KIRREL3: variants seen among roughly 807,000 people sequenced by gnomAD.
KIRREL3 encodes the protein kirre like nephrin family adhesion molecule 3.
KIRREL3 carries 36 observed loss-of-function variants against 89.7 expected under a neutral mutation model. That is an observed-to-expected ratio of 0.40 (90% CI 0.31 to 0.53). The LOEUF is 0.53. Ranked by LOEUF, KIRREL3 falls within the 20% of genes least tolerant of loss-of-function variation. KIRREL3 has a pLI of 0.49. For missense variants in KIRREL3, 864 were observed against 1,056.6 expected, an observed-to-expected ratio of 0.82 and a Z score of 2.53; for synonymous variants, 445 against 441.4, an observed-to-expected ratio of 1.01 and a Z score of -0.10.
chr11:126,862,557 C>T (rs931282577), intron 1 of KIRREL3, among the ~76,000 whole-genome samples: 1 of 152,200 alleles, frequency 6.6e-6, no homozygotes, highest in Non-Finnish European at 1.5e-5. Context: ...AAAGGGGACT[C>T]TAGCCCCTGT....
At position 126,491,323 on chromosome 11, in the gene KIRREL3, G is replaced by A. The variant is rs566844448; in HGVS notation, c.434-17857C>T. 4.6e-5 allele frequency among the ~76,000 whole-genome samples: 7 copies of A among 152,346 alleles called. No homozygotes were observed. The highest frequency in any genetic ancestry group is 7.3e-5 in the Non-Finnish European group (5 of 68,038). ...ATGTGAGCCCAAGGAGGGCGGGCGC[G>A]TGCTGGCTCTGAGCGGGTGCTTTAT... On this transcript the variant is annotated intron_variant, in intron 4 of 16. Transcript: ENST00000525144. This position sits in a 1 kb window ranked among gnomAD's most constrained non-coding sequence, Gnocchi z 5.5.
Position 126,557,252 on chromosome 11 carries a change from C to T in KIRREL3, c.133+5583G>A, listed in dbSNP as rs150897797. Among the ~76,000 whole-genome samples, 127 of 152,296 alleles carry T rather than the reference C, an allele frequency of 8.3e-4. No individual in the cohort carries two copies. Among genetic ancestry groups the T allele is most frequent in the African/African-American group, 2.7e-3 (112 of 41,544 alleles). On this transcript the variant is annotated intron_variant, in intron 2 of 16. Coordinates refer to ENST00000525144, the MANE Select transcript of KIRREL3 (RefSeq NM_032531.4). This position sits in a 1 kb window ranked among gnomAD's most constrained non-coding sequence, Gnocchi z 5.6. The stretch of plus-strand genomic sequence containing the variant: ...GCCACCCAGCATATAGCTGATATGG[C>T]CTGAGTTCACCCTTAATGACAGATG...
intron 1 of KIRREL3, among the ~76,000 whole-genome samples, chr11:126,657,486 A>G (rs1945202958): frequency 6.6e-6 from 1 of 152,196 alleles, no homozygotes; most frequent in Non-Finnish European, 1.5e-5. Flanking sequence ...CTGAGAGGTG[A>G]GTGCTGGAGG....
rs1949070141 is a variant in KIRREL3 at position 126,744,238 on chromosome 11, A to AG, written c.56-181327_56-181326insC. On this transcript the variant is annotated intron_variant, in intron 1 of 16. Transcript: ENST00000525144. The surrounding 1 kb of genome is among the most constrained non-coding windows in gnomAD (Gnocchi z 4.7). Reference sequence around the variant, plus strand: ...ATTGGTTTGTCTTCTGAAACACACAACTTTTTTTTTTTTTATGGGTGGAAA... The same window carrying AG: ...ATTGGTTTGTCTTCTGAAACACACAAGCTTTTTTTTTTTTTATGGGTGGAAA... Among the ~76,000 whole-genome samples the AG allele has an allele frequency of 9.7e-6, 1 of 103,408 alleles. No individual in the cohort carries two copies. Among genetic ancestry groups the AG allele is most frequent in the Non-Finnish European group, 2.0e-5 (1 of 49,154 alleles). The allele number at this position is 103,408 out of a possible 152,430, so 67.8% of individuals were successfully genotyped here.
In KIRREL3 at chr11:126,943,568, G is replaced by C. The variant is rs1406957797; in HGVS notation, c.55+56887C>G. Among the ~76,000 whole-genome samples the C allele has an allele frequency of 6.6e-6, 1 of 152,190 alleles. No individual in the cohort carries two copies. The highest frequency in any genetic ancestry group is 1.5e-5 in the Non-Finnish European group (1 of 68,030). On this transcript the variant is annotated intron_variant, in intron 1 of 16. Coordinates refer to ENST00000525144, the MANE Select transcript of KIRREL3 (RefSeq NM_032531.4). This position sits in a 1 kb window ranked among gnomAD's most constrained non-coding sequence, Gnocchi z 4.2. ...ACAAGATTAAATCAGCAGACTGAAC[G>C]ATAAATGAACAGTAATGCATTCATA...
chr11:126,756,257 A>G (rs1448494234), intron 1 of KIRREL3, among the ~76,000 whole-genome samples: 2 of 152,218 alleles, frequency 1.3e-5, no homozygotes, highest in Non-Finnish European at 2.9e-5. Flanking sequence ...CACCCCCAAC[A>G]CTGCCGTGAG....
Position 126,766,323 on chromosome 11 carries a change from G to A in KIRREL3, c.56-203411C>T, listed in dbSNP as rs1949822740. ...ATATGGTCCTGCCAAACCCATTACA[G>A]TAATGACAGTGTTGCAGAATTAGAA... On this transcript the variant is annotated intron_variant, in intron 1 of 16. Transcript: ENST00000525144. The surrounding 1 kb of genome is among the most constrained non-coding windows in gnomAD (Gnocchi z 4.2). Among the ~76,000 whole-genome samples the A allele has an allele frequency of 6.6e-6, 1 of 152,030 alleles. No individual in the cohort carries two copies. The highest frequency in any genetic ancestry group is 2.4e-5 in the African/African-American group (1 of 41,384).
chr11:126,531,753 A>G lies in KIRREL3; in HGVS notation c.134-5066T>C, dbSNP rs1203799236. Among the ~76,000 whole-genome samples, 1 of 152,180 alleles carries G rather than the reference A, an allele frequency of 6.6e-6. No homozygotes were observed. The highest frequency in any genetic ancestry group is 1.5e-5 in the Non-Finnish European group (1 of 68,028). On this transcript the variant is annotated intron_variant, in intron 2 of 16. Transcript: ENST00000525144. This position sits in a 1 kb window ranked among gnomAD's most constrained non-coding sequence, Gnocchi z 4.7. ...AGCACCTACTATATGTCAGATGCTG[A>G]TGAAACAGAAATAAGGAAGAAACAG...
At position 126,909,262 on chromosome 11, in the gene KIRREL3, C is replaced by A. The variant is rs1946712451; in HGVS notation, c.55+91193G>T. Among the ~76,000 whole-genome samples the A allele has an allele frequency of 6.6e-6, 1 of 152,122 alleles. No individual in the cohort carries two copies. The highest frequency in any genetic ancestry group is 6.5e-5 in the Admixed American group (1 of 15,284). On this transcript the variant is annotated intron_variant, in intron 1 of 16. Coordinates refer to ENST00000525144, the MANE Select transcript of KIRREL3 (RefSeq NM_032531.4). This position sits in a 1 kb window ranked among gnomAD's most constrained non-coding sequence, Gnocchi z 4.5. ...GTTCATGGGAGGTGTGGCACTAAAACCCAGGCTCCGGCCTGGGACTCTTTA... is the reference window on the plus strand; with the variant it reads ...GTTCATGGGAGGTGTGGCACTAAAAACCAGGCTCCGGCCTGGGACTCTTTA...
intron 1 of KIRREL3, among the ~76,000 whole-genome samples, chr11:126,572,365 G>C (rs1336626379): frequency 3.3e-5 from 5 of 152,226 alleles, no homozygotes; most frequent in African/African-American, 1.2e-4. Context: ...TGAATGTGTG[G>C]ATTATTAGCT....
At chr11:126,921,391 G>GTATCTATCTACCTATC (rs71472005) in intron 1 of KIRREL3, among the ~76,000 whole-genome samples, 49 of 144,026 alleles carry the variant, frequency 3.4e-4, no homozygotes, top group Non-Finnish European at 5.0e-4. Context: ...ATCCTGTCTT[G>GTATCTATCTACCTATC]TATCTATCTA....
intron 1 of KIRREL3, among the ~76,000 whole-genome samples, chr11:126,617,343 G>A (rs1943394600): frequency 6.6e-6 from 1 of 152,192 alleles, no homozygotes; most frequent in South Asian, 2.1e-4. Context: ...GGAGAGAGCT[G>A]GGAATCACTA....
In KIRREL3 at chr11:126,615,973, C is replaced by T. The variant is rs141361968; in HGVS notation, c.56-53061G>A. 2.6e-5 allele frequency among the ~76,000 whole-genome samples: 4 copies of T among 151,900 alleles called. No homozygotes were observed. Among genetic ancestry groups the T allele is most frequent in the African/African-American group, 7.3e-5 (3 of 41,344 alleles). On this transcript the variant is annotated intron_variant, in intron 1 of 16. Coordinates refer to ENST00000525144, the MANE Select transcript of KIRREL3 (RefSeq NM_032531.4). This position sits in a 1 kb window ranked among gnomAD's most constrained non-coding sequence, Gnocchi z 5.4. ...GCCCTGGGTGTGTGTGTGTGGGGTG[C>T]GTGGGTGGGGAGATGCATGACTGCT...
rs903278344 is a variant in KIRREL3 at position 126,520,604 on chromosome 11, C to T, written c.433+711G>A. ...CATTTGGCCAGAGGAGGGAGACTCC[C>T]GGGACTGAACTCTAAATCAGAACTA... On this transcript the variant is annotated intron_variant, in intron 4 of 16. Transcript: ENST00000525144. The surrounding 1 kb of genome is among the most constrained non-coding windows in gnomAD (Gnocchi z 4.9). Among the ~76,000 whole-genome samples, 4 of 152,156 alleles carry T rather than the reference C, an allele frequency of 2.6e-5. No homozygotes were observed. The highest frequency in any genetic ancestry group is 2.4e-5 in the African/African-American group (1 of 41,434).
At chr11:126,850,482 C>T (rs892765335) in intron 1 of KIRREL3, among the ~76,000 whole-genome samples, 7 of 152,158 alleles carry the variant, frequency 4.6e-5, no homozygotes, top group African/African-American at 1.4e-4. Flanking sequence ...ACCTGTCCTC[C>T]AGGCCTGTCC....
chr11:126,451,354 A>C (rs962002277), intron 7 of KIRREL3, among the ~76,000 whole-genome samples: 1 of 43,796 alleles, frequency 2.3e-5, no homozygotes, highest in Non-Finnish European at 4.1e-5. Context: ...GTGTGTGCGT[A>C]TGTGAGTGTG....
intron 1 of KIRREL3, among the ~76,000 whole-genome samples, chr11:126,887,206 C>T (rs1044177139): frequency 9.2e-5 from 14 of 152,168 alleles, no homozygotes; most frequent in African/African-American, 3.4e-4. Flanking sequence ...ATGTCATCTG[C>T]AACATCCGAG....
Position 126,552,553 on chromosome 11 carries a change from T to G in KIRREL3, c.133+10282A>C, listed in dbSNP as rs925481473. Among the ~76,000 whole-genome samples the G allele has an allele frequency of 1.4e-4, 10 of 71,410 alleles. No individual in the cohort carries two copies. The East Asian group carries it at 2.7e-3, about 19-fold the overall frequency. 46.8% of individuals were successfully genotyped at this position (71,410 alleles called of 152,430 possible). A position where few individuals can be genotyped will look rare whatever the true frequency, so the allele number is the denominator to read the frequency against. ...ATCACACAGGGGAGAGAGAAAAGTTTTTTTTTTTTTTTTTTTTTTTTTTTT... is the reference window on the plus strand; with the variant it reads ...ATCACACAGGGGAGAGAGAAAAGTTGTTTTTTTTTTTTTTTTTTTTTTTTT... On this transcript the variant is annotated intron_variant, in intron 2 of 16. Coordinates refer to ENST00000525144, the MANE Select transcript of KIRREL3 (RefSeq NM_032531.4).
rs1950855023 is a variant in KIRREL3, at chr11:126,797,608, G to T, written c.55+202847C>A. Among the ~76,000 whole-genome samples, 2 of 152,162 alleles carry T rather than the reference G, an allele frequency of 1.3e-5. No homozygotes were observed. Among genetic ancestry groups the T allele is most frequent in the South Asian group, 4.1e-4 (2 of 4,830 alleles). ...CCAATCTACTCCACAGCCTGTGACA[G>T]CTGGGGCTGTGTGATGGGGCTTCTG... On this transcript the variant is annotated intron_variant, in intron 1 of 16. Coordinates refer to ENST00000525144, the MANE Select transcript of KIRREL3 (RefSeq NM_032531.4). This position sits in a 1 kb window ranked among gnomAD's most constrained non-coding sequence, Gnocchi z 4.9.
Sources: allele counts gnomAD v4.1 joint callset (sites outside exome capture counted in the v4.1 genomes callset), GRCh38; gene constraint gnomAD v4.1.1; non-coding constraint Gnocchi (gnomAD v3.1); transcripts MANE v1.5; gene names NCBI Gene and HGNC (gene_info 2026-07-23, HGNC 2026-07-21).